PITX1: variants seen among roughly 807,000 people sequenced by gnomAD.
PITX1 encodes paired like homeodomain 1.
A neutral mutation model predicts 24.1 loss-of-function variants in PITX1; 5 were observed. The observed-to-expected ratio is 0.21, with a 90% CI of 0.11 to 0.44. PITX1 has a LOEUF of 0.44. PITX1 is among the 20% of genes least tolerant of loss of function. PITX1 has a pLI of 0.99. For synonymous variants in PITX1, 213 were observed against 208.9 expected (o/e 1.02, Z -0.17); for missense variants, 401 against 455.4 (o/e 0.88, Z 1.09).
rs1047784822 is a variant in PITX1 at position 135,033,606 on chromosome 5, G to C, written c.169+107C>G. ...AGAAAGCTCCTGACGCTTCTGGGGC[G>C]GAGAGGGAGCTTGGTTGCGCGGCGC... is the stretch of plus-strand genomic sequence containing the variant. On this transcript the variant is annotated intron_variant, in intron 1 of 2. Transcript: ENST00000265340. This position sits in a 1 kb window ranked among gnomAD's most constrained non-coding sequence, Gnocchi z 5.9. 1.2e-5 allele frequency: 14 copies of C among 1,132,814 alleles called. No homozygotes were observed. The highest frequency in any genetic ancestry group is 1.6e-5 in the African/African-American group (1 of 64,020). 70.2% of individuals were successfully genotyped at this position (1,132,814 alleles called of 1,614,324 possible).
At chr5:135,032,560 G>A (rs1222741929) in intron 1 of PITX1, among the ~76,000 whole-genome samples, 2 of 152,086 alleles carry the variant, frequency 1.3e-5, no homozygotes, top group African/African-American at 2.4e-5. Context: ...TAAAATCTCC[G>A]GAAGAATAAT....
rs1580925638 is a variant in PITX1, at chr5:135,029,106, G to A, written c.618C>T (p.Ser206=). The change falls in exon 3 of 3, where the codon AGC becomes AGT. Residue 206 remains serine (S), a synonymous_variant. Coordinates refer to ENST00000265340, the MANE Select transcript of PITX1 (RefSeq NM_002653.5). ...AGAACATGGACTGCGACGACAGCGG[G>A]CTCATGGAGTTGAAGAAGGTGAAGC... The part of the protein sequence containing the change: ...TKSFTFFNSM[S]PLSSQSMFSA... 6.2e-7 allele frequency: 1 copy of A among 1,614,250 alleles called. No individual in the cohort carries two copies. The highest frequency in any genetic ancestry group is 8.5e-7 in the Non-Finnish European group (1 of 1,180,046).
Position 135,029,095 on chromosome 5 carries a change from G to A in PITX1, c.629C>T (p.Ser210Leu). ...GCTGGGTGCTGAGAACATGGACTGCGACGACAGCGGGCTCATGGAGTTGAA... is the reference window on the plus strand; with the variant it reads ...GCTGGGTGCTGAGAACATGGACTGCAACGACAGCGGGCTCATGGAGTTGAA... ...TFFNSMSPLS[S>L]QSMFSAPSSI... is the part of the protein sequence containing the mutation. The change falls in exon 3 of 3, where the codon TCG (serine) becomes TTG (leucine). Residue 210 changes from serine (S) to leucine (L), a missense_variant. Physicochemically the swap from Ser to Leu is moderately radical, Grantham distance 145. Coordinates refer to ENST00000265340, the MANE Select transcript of PITX1 (RefSeq NM_002653.5). 1.2e-6 allele frequency: 2 copies of A among 1,614,244 alleles called. No homozygotes were observed. Among genetic ancestry groups the A allele is most frequent in the Non-Finnish European group, 8.5e-7 (1 of 1,180,044 alleles).
Position 135,028,931 on chromosome 5 carries a change from C to G in PITX1, c.793G>C (p.Gly265Arg), listed in dbSNP as rs141612135. The G allele has an allele frequency of 8.6e-5, 138 of 1,613,850 alleles. No homozygotes were observed. The highest frequency in any genetic ancestry group is 1.2e-4 in the Non-Finnish European group (136 of 1,179,968). ...SAMSPGACPY[G>R]TPASPYSVYR... ...ACGCTGTAGGGCGAGGCGGGAGTGCCGTACGGGCAAGCGCCCGGCGACATG... is the reference window on the plus strand; with the variant it reads ...ACGCTGTAGGGCGAGGCGGGAGTGCGGTACGGGCAAGCGCCCGGCGACATG... Residue 265 changes from glycine to arginine, a missense_variant, in exon 3 of 3, where the codon GGC becomes CGC. Gly to Arg is a moderately radical substitution (Grantham distance 125). Coordinates refer to ENST00000265340, the MANE Select transcript of PITX1 (RefSeq NM_002653.5).
At chr5:135,032,564 G>T (rs1266958029) in intron 1 of PITX1, among the ~76,000 whole-genome samples, 6 of 152,168 alleles carry the variant, frequency 3.9e-5, no homozygotes, top group African/African-American at 1.2e-4. Context: ...ATCTCCGGAA[G>T]AATAATGTTG....
intron 1 of PITX1, chr5:135,032,935 C>G (rs1474978459): frequency 4.5e-6 from 2 of 442,808 alleles, no homozygotes; most frequent in Admixed American, 2.4e-5. Context: ...CCTCCGGAAC[C>G]CGGCCGGCTG....
At position 135,029,014 on chromosome 5, in the gene PITX1, A is replaced by G; in HGVS notation, c.710T>C (p.Met237Thr). The G allele has an allele frequency of 6.2e-7, 1 of 1,614,222 alleles. No individual in the cohort carries two copies. ...SSMGPGAVPG[M>T]PNSGLNNINN... ...GATGTTGTTGAGGCCCGAGTTGGGC[A>G]TGCCAGGCACGGCGCCTGGGCCCAT... is the stretch of plus-strand genomic sequence containing the variant. Residue 237 changes from methionine to threonine, a missense_variant, in exon 3 of 3, where the codon ATG (methionine) becomes ACG (threonine). Around this residue, in one of 3 missense-constraint regions of PITX1, gnomAD observed 217 missense variants for 219.8 expected, o/e 0.99. Coordinates refer to ENST00000265340, the MANE Select transcript of PITX1 (RefSeq NM_002653.5).
chr5:135,029,243 C>G lies in PITX1; in HGVS notation c.481G>C (p.Val161Leu). ...QQLDLCKGGY[V>L]PQFSGLVQPY... is the part of the protein sequence containing the mutation. The stretch of plus-strand genomic sequence containing the variant: ...TGCACTAGGCCGCTGAACTGCGGCA[C>G]GTAGCCACCCTTGCACAGGTCCAGC... Residue 161 changes from valine (V) to leucine (L), a missense_variant, in exon 3 of 3, where the codon GTG becomes CTG. Physicochemically the swap from Val to Leu is conservative, Grantham distance 32 (BLOSUM62 1). This residue lies in a region of PITX1 where 217 missense variants were observed against 219.8 expected (regional missense o/e 0.99). Coordinates refer to ENST00000265340, the MANE Select transcript of PITX1 (RefSeq NM_002653.5). The G allele has an allele frequency of 6.2e-7, 1 of 1,613,414 alleles. No individual in the cohort carries two copies. Among genetic ancestry groups the G allele is most frequent in the Non-Finnish European group, 8.5e-7 (1 of 1,179,584 alleles).
At chr5:135,032,679 A>C (rs1049442957) in intron 1 of PITX1, among the ~76,000 whole-genome samples, 1 of 152,268 alleles carries the variant, frequency 6.6e-6, no homozygotes, top group Non-Finnish European at 1.5e-5. Context: ...GGTTCAAAAA[A>C]ATCAATATAC....
At chr5:135,030,667 C>G (rs1282247453) in intron 2 of PITX1, among the ~76,000 whole-genome samples, 1 of 152,182 alleles carries the variant, frequency 6.6e-6, no homozygotes, top group African/African-American at 2.4e-5. Context: ...GCTCCCGGAG[C>G]CACCCCCCAC....
rs1300560831 is a variant in PITX1 at position 135,033,862 on chromosome 5, C to A, written c.20G>T (p.Gly7Val). 16 of 1,480,776 alleles carry A rather than the reference C, an allele frequency of 1.1e-5. No individual in the cohort carries two copies. The East Asian group carries it at 3.0e-4, about 28-fold the overall frequency. The allele number at this position is 1,480,776 out of a possible 1,614,324, so 91.7% of individuals were successfully genotyped here. The change falls in exon 1 of 3, where the codon GGC becomes GTC. Residue 7 changes from glycine (G) to valine (V), a missense_variant. By Grantham distance (109) the Gly-to-Val change is moderately radical (BLOSUM62 -3). Coordinates refer to ENST00000265340, the MANE Select transcript of PITX1 (RefSeq NM_002653.5). The surrounding 1 kb of genome is among the most constrained non-coding windows in gnomAD (Gnocchi z 5.9). Reference sequence around the variant, plus strand: ...CTCCGGCAGCCGCTCCAGGCTCATGCCCCCCTTGAAGGCGTCCATGGAGGT... The same window carrying A: ...CTCCGGCAGCCGCTCCAGGCTCATGACCCCCTTGAAGGCGTCCATGGAGGT... Reference protein sequence around the residue: MDAFKGGMSLERLPEGL... With the variant: MDAFKGVMSLERLPEGL...
Position 135,033,758 on chromosome 5 carries a change from G to T in PITX1, c.124C>A (p.Pro42Thr). 1 of 1,591,618 alleles carries T rather than the reference G, an allele frequency of 6.3e-7. No individual in the cohort carries two copies. Residue 42 changes from proline to threonine, a missense_variant, in exon 1 of 3, where the codon CCG (proline) becomes ACG (threonine). Around this residue, in one of 3 missense-constraint regions of PITX1, gnomAD observed 136 missense variants for 133.3 expected, o/e 1.02. Transcript: ENST00000265340. This position sits in a 1 kb window ranked among gnomAD's most constrained non-coding sequence, Gnocchi z 5.9. ...GACTCGCTGGCGGAGTTCTCGAGCG[G>T]CTCGCGGGGGTCGGCGGGCCGGGCC... Reference protein sequence around the residue: ...HLARPADPREPLENSASESSD... With the variant: ...HLARPADPRETLENSASESSD...
chr5:135,030,758 A>G (rs1752433253), intron 2 of PITX1, among the ~76,000 whole-genome samples: 1 of 152,134 alleles, frequency 6.6e-6, no homozygotes, highest in African/African-American at 2.4e-5. Flanking sequence ...GAATATCTTG[A>G]GCTTTTAGAG....
rs1274859459 is a variant in PITX1 at position 135,033,958 on chromosome 5, A to C, written c.-77T>G. Reference sequence around the variant, plus strand: ...GCCGCCCTGGCTGCGACCTGCGGGGACAAGAGCGCAGCGCCTAAGCGGCTG... The same window carrying C: ...GCCGCCCTGGCTGCGACCTGCGGGGCCAAGAGCGCAGCGCCTAAGCGGCTG... On this transcript the variant is annotated 5_prime_UTR_variant, in exon 1 of 3. Transcript: ENST00000265340. The surrounding 1 kb of genome is among the most constrained non-coding windows in gnomAD (Gnocchi z 5.9). The C allele has an allele frequency of 1.0e-6, 1 of 984,196 alleles. No homozygotes were observed. The highest frequency in any genetic ancestry group is 1.3e-6 in the Non-Finnish European group (1 of 754,306). The allele number at this position is 984,196 out of a possible 1,614,324, so 61.0% of individuals were successfully genotyped here.
In PITX1 at chr5:135,028,712, G is replaced by T. The variant is rs1339496717; in HGVS notation, c.*67C>A. The T allele has an allele frequency of 8.6e-7, 1 of 1,165,160 alleles. No homozygotes were observed. Among genetic ancestry groups the T allele is most frequent in the Non-Finnish European group, 1.1e-6 (1 of 937,648 alleles). 72.2% of individuals were successfully genotyped at this position (1,165,160 alleles called of 1,614,324 possible). A position where few individuals can be genotyped will look rare whatever the true frequency, so the allele number is the denominator to read the frequency against. On this transcript the variant is annotated 3_prime_UTR_variant, in exon 3 of 3. Transcript: ENST00000265340. ...GCTTGCGAGCCGGGGCCCCGCGTGC[G>T]TCCTCCGCGCCCGCGCCCGCGCCCT...
chr5:135,032,123 C>G (rs186995835), intron 1 of PITX1: 4 of 152,458 alleles, frequency 2.6e-5, no homozygotes, highest in African/African-American at 9.6e-5. Context: ...CACACGCAGT[C>G]ATAGAAACAT....
intron 2 of PITX1, 65 bp from the exon 3 acceptor site, chr5:135,029,386 C>T (rs1580925917): frequency 1.4e-6 from 2 of 1,380,544 alleles, no homozygotes; most frequent in Non-Finnish European, 2.0e-6. Flanking sequence ...ACCCCCTTCC[C>T]CACCGCCTGG....
At chr5:135,031,661 C>T (rs546829135) in intron 1 of PITX1, 153 bp from the exon 2 acceptor site, 4 of 648,878 alleles carry the variant, frequency 6.2e-6, no homozygotes, top group Non-Finnish European at 1.0e-5. Flanking sequence ...GGAAAGCGCC[C>T]GCCGGGTGCT....
intron 1 of PITX1, 176 bp from the exon 2 acceptor site, chr5:135,031,684 G>A (rs1752453401): frequency 1.6e-6 from 1 of 612,062 alleles, no homozygotes; most frequent in Non-Finnish European, 2.9e-6. Flanking sequence ...TCGTCAGTAG[G>A]CACCTCTAGT....
Sources: gnomAD v4.1 joint callset for allele counts (sites outside exome capture counted in the v4.1 genomes callset) on GRCh38, gnomAD v4.1.1 for gene constraint, gnomAD v4.1.1 regional missense constraint, Gnocchi (gnomAD v3.1) non-coding constraint, MANE v1.5 for transcripts, NCBI Gene and HGNC (gene_info 2026-07-23, HGNC 2026-07-21) for gene names.